DPP6: variants seen among roughly 807,000 people sequenced by gnomAD.
The protein encoded by DPP6 is dipeptidyl peptidase like 6, also known as A-type potassium channel modulatory protein DPP6.
In DPP6, 69 loss-of-function variants were observed where a neutral mutation model predicts 122.6. That is an observed-to-expected ratio of 0.56 (90% CI 0.46 to 0.69). DPP6 has a LOEUF of 0.69. Ranked by LOEUF, DPP6 falls within the 30% of genes least tolerant of loss-of-function variation. The pLI is 0.00. For missense variants in DPP6, 928 were observed against 1,116.9 expected, an observed-to-expected ratio of 0.83 and a Z score of 2.41; for synonymous variants, 418 against 433.1, an observed-to-expected ratio of 0.97 and a Z score of 0.43.
chr7:154,786,129 G>A (rs1797320780), intron 10 of DPP6, among the ~76,000 whole-genome samples: 1 of 152,116 alleles, frequency 6.6e-6, no homozygotes, highest in African/African-American at 2.4e-5. Flanking sequence ...TCTTTTGTCT[G>A]GAGTGCATTC....
intron 1 of DPP6, among the ~76,000 whole-genome samples, chr7:154,266,121 G>A (rs913403150): frequency 2.0e-5 from 3 of 152,102 alleles, no homozygotes; most frequent in African/African-American, 7.2e-5. Flanking sequence ...AGATACTGTT[G>A]TCGTTTCCTT....
chr7:154,744,277 A>T (rs1463654467), intron 8 of DPP6, among the ~76,000 whole-genome samples: 2 of 152,214 alleles, frequency 1.3e-5, no homozygotes, highest in African/African-American at 4.8e-5. Flanking sequence ...TTGATCTCTC[A>T]GAGCACTTGG....
intron 1 of DPP6, among the ~76,000 whole-genome samples, chr7:154,200,837 G>A (rs1799133543): frequency 2.0e-5 from 3 of 152,098 alleles, no homozygotes; most frequent in Non-Finnish European, 2.9e-5. Context: ...GTGAAGCTCT[G>A]TATTAATTGA....
chr7:154,102,217 C>T (rs1805784598), intron 1 of DPP6, among the ~76,000 whole-genome samples: 1 of 151,994 alleles, frequency 6.6e-6, no homozygotes, highest in African/African-American at 2.4e-5. Flanking sequence ...CAGAGTTCCA[C>T]TCTTGTTGCC....
chr7:154,041,472 C>G (rs1799762291), intron 1 of DPP6, among the ~76,000 whole-genome samples: 1 of 152,196 alleles, frequency 6.6e-6, no homozygotes, highest in Non-Finnish European at 1.5e-5. Flanking sequence ...TTAAATAAAG[C>G]TGATAGGATT....
Position 154,351,140 on chromosome 7 carries a change from C to T in DPP6, c.244-95074C>T, listed in dbSNP as rs534033715. 3.2e-4 allele frequency among the ~76,000 whole-genome samples: 49 copies of T among 152,362 alleles called. 1 individual carries two copies. In the South Asian group the frequency reaches 0.01, roughly 32 times the overall value. On this transcript the variant is annotated intron_variant, in intron 1 of 25. Coordinates refer to ENST00000377770, the MANE Select transcript of DPP6 (RefSeq NM_130797.4). ...AGCTATCAGAAAGTGGGCCAAAGGACAAGCTGGTTAATGCGTCACTGTGCT... is the reference window on the plus strand; with the variant it reads ...AGCTATCAGAAAGTGGGCCAAAGGATAAGCTGGTTAATGCGTCACTGTGCT...
intron 1 of DPP6, among the ~76,000 whole-genome samples, chr7:154,249,741 A>G (rs1032409429): frequency 2.0e-5 from 3 of 152,122 alleles, no homozygotes; most frequent in African/African-American, 7.2e-5. Flanking sequence ...CCATGTGACT[A>G]TACACATATG....
the DPP6 span, among the ~76,000 whole-genome samples, chr7:153,881,823 T>C: frequency 2.0e-5 from 3 of 152,196 alleles, no homozygotes; most frequent in Non-Finnish European, 4.4e-5. Flanking sequence ...TTTGTATTGC[T>C]CCTATAAAAT....
intron 1 of DPP6, among the ~76,000 whole-genome samples, chr7:154,055,366 G>A (rs1800736631): frequency 6.9e-6 from 1 of 145,434 alleles, no homozygotes; most frequent in African/African-American, 2.6e-5. Context: ...GAAAAGTTAT[G>A]CCCCCAAATT....
the DPP6 span, among the ~76,000 whole-genome samples, chr7:153,818,700 C>T: frequency 1.3e-5 from 2 of 151,562 alleles, no homozygotes; most frequent in African/African-American, 4.9e-5. Flanking sequence ...TGGTGGTGAG[C>T]TCTGGGCAGG....
intron 19 of DPP6, among the ~76,000 whole-genome samples, chr7:154,874,187 G>A (rs1224942889): frequency 6.6e-6 from 1 of 152,150 alleles, no homozygotes; most frequent in Non-Finnish European, 1.5e-5. Context: ...TACTAAACCA[G>A]ATTTTCCCCA....
chr7:154,696,355 G>T (rs777560076), intron 7 of DPP6, among the ~76,000 whole-genome samples: 3 of 152,176 alleles, frequency 2.0e-5, no homozygotes, highest in Non-Finnish European at 4.4e-5. Flanking sequence ...GACAGGAGTC[G>T]CAGTGAGTTC....
At chr7:154,876,232 A>C in intron 20 of DPP6, 132 bp downstream of exon 20, 1 of 1,329,586 alleles carries the variant, frequency 7.5e-7, no homozygotes, top group Non-Finnish European at 9.6e-7. Flanking sequence ...TCTTACCTAA[A>C]ATCTCTTGGC....
chr7:153,894,781 G>C (rs1215088688), intron 1 of DPP6, among the ~76,000 whole-genome samples: 1 of 152,154 alleles, frequency 6.6e-6, no homozygotes, highest in Non-Finnish European at 1.5e-5. Context: ...TAGTGCTTCT[G>C]TTGTGCAGCC....
the DPP6 span, among the ~76,000 whole-genome samples, chr7:153,845,621 G>T: frequency 6.6e-6 from 1 of 151,580 alleles, no homozygotes; most frequent in Non-Finnish European, 1.5e-5. Flanking sequence ...CTATTTTTGT[G>T]CTTTTCATTT....
intron 10 of DPP6, among the ~76,000 whole-genome samples, chr7:154,781,407 C>T (rs1163063221): frequency 1.3e-5 from 2 of 152,200 alleles, no homozygotes; most frequent in Non-Finnish European, 2.9e-5. Flanking sequence ...ATCCTGACAG[C>T]TGGCCCTGCA....
chr7:154,695,379 A>G (rs11973159), intron 7 of DPP6, among the ~76,000 whole-genome samples: 4,850 of 152,314 alleles, frequency 0.032, 250 homozygotes, highest in African/African-American at 0.11. Context: ...GATTTTTAAA[A>G]AGGGAAAACG....
At chr7:154,779,409 C>T (rs886531681) in intron 10 of DPP6, among the ~76,000 whole-genome samples, 5 of 152,016 alleles carry the variant, frequency 3.3e-5, no homozygotes, top group Non-Finnish European at 2.9e-5. Context: ...TCTTAGGTCT[C>T]CTCTGCCTCC....
intron 1 of DPP6, among the ~76,000 whole-genome samples, chr7:154,246,174 G>C (rs1204015447): frequency 6.6e-6 from 1 of 152,160 alleles, no homozygotes; most frequent in African/African-American, 2.4e-5. Flanking sequence ...ACAGGGGTAA[G>C]TTAATACATA....
Sources: allele counts gnomAD v4.1 joint callset (sites outside exome capture counted in the v4.1 genomes callset), GRCh38; gene constraint gnomAD v4.1.1; transcripts MANE v1.5; gene names NCBI Gene and HGNC (gene_info 2026-07-23, HGNC 2026-07-21).